The following MRGPRE variants were observed in gnomAD, a reference collection of about 807,000 sequenced individuals.
MRGPRE encodes the protein mas-related G protein-coupled receptor member E.
For synonymous variants in MRGPRE, 229 were observed against 206.7 expected (o/e 1.11, Z -0.92); for missense variants, 466 against 433.4 (o/e 1.08, Z -0.67).
At position 3,228,289 on chromosome 11, in the gene MRGPRE, G is replaced by A. The variant is rs749122433; in HGVS notation, c.511C>T (p.Arg171Cys). 44 of 1,554,990 alleles carry A rather than the reference G, an allele frequency of 2.8e-5. No individual in the cohort carries two copies. Among genetic ancestry groups the A allele is most frequent in the African/African-American group, 9.5e-5 (7 of 73,532 alleles). Reference sequence around the variant, plus strand: ...AGCCACAGCGTCCGGCACAAGTGGCGGCTGGGCTCCCCGAAGAACTGGGTG... The same window carrying A: ...AGCCACAGCGTCCGGCACAAGTGGCAGCTGGGCTCCCCGAAGAACTGGGTG... The part of the protein sequence containing the change: ...ACTQFFGEPS[R>C]HLCRTLWLVA... Residue 171 changes from arginine to cysteine, a missense_variant, in exon 2 of 2, where the codon CGC becomes TGC. Coordinates refer to ENST00000389832, the MANE Select transcript of MRGPRE (RefSeq NM_001039165.4).
Position 3,225,454 on chromosome 11 carries a change from T to C in MRGPRE, c.*2407A>G, listed in dbSNP as rs1422999673. Among the ~76,000 whole-genome samples, 2 of 152,182 alleles carry C rather than the reference T, an allele frequency of 1.3e-5. No homozygotes were observed. Among genetic ancestry groups the C allele is most frequent in the Non-Finnish European group, 2.9e-5 (2 of 68,032 alleles). On this transcript the variant is annotated 3_prime_UTR_variant, in exon 2 of 2. Transcript: ENST00000389832. ...TTTGAGCAGTGAGGCCCCAGGGTCC[T>C]GCAGGGTGGGGTCTAGGGCAGCCAG...
Position 3,230,846 on chromosome 11 carries a change from G to A in MRGPRE, c.-62+1295C>T, listed in dbSNP as rs572702105. 6.6e-6 allele frequency among the ~76,000 whole-genome samples: 1 copy of A among 152,188 alleles called. No individual in the cohort carries two copies. Among genetic ancestry groups the A allele is most frequent in the Admixed American group, 6.5e-5 (1 of 15,296 alleles). On this transcript the variant is annotated intron_variant, in intron 1 of 1. Transcript: ENST00000389832. The surrounding 1 kb of genome is among the most constrained non-coding windows in gnomAD (Gnocchi z 5.5). The stretch of plus-strand genomic sequence containing the variant: ...GGGAGGTGAGGTGGTGGTGGAGGGA[G>A]CCCCACCTGGGCCAGCATCATCAGG...
At position 3,231,314 on chromosome 11, in the gene MRGPRE, G is replaced by A. The variant is rs1433656000; in HGVS notation, c.-62+827C>T. Among the ~76,000 whole-genome samples, 3 of 152,016 alleles carry A rather than the reference G, an allele frequency of 2.0e-5. No homozygotes were observed. The highest frequency in any genetic ancestry group is 7.2e-5 in the African/African-American group (3 of 41,394). Reference sequence around the variant, plus strand: ...GAGGCATGAAGAGATGGGGGACAGAGAAGGAAACAGGGAGGAGAACAGGGG... The same window carrying A: ...GAGGCATGAAGAGATGGGGGACAGAAAAGGAAACAGGGAGGAGAACAGGGG... On this transcript the variant is annotated intron_variant, in intron 1 of 1. Coordinates refer to ENST00000389832, the MANE Select transcript of MRGPRE (RefSeq NM_001039165.4). The surrounding 1 kb of genome is among the most constrained non-coding windows in gnomAD (Gnocchi z 4.7).
Position 3,231,893 on chromosome 11 carries a change from G to A in MRGPRE, c.-62+248C>T, listed in dbSNP as rs1042493813. ...GACAGGAGACAGAGCCACCGGGGGT[G>A]GGGGGTTGGGGAGCCATCACCCAAG... is the stretch of plus-strand genomic sequence containing the variant. On this transcript the variant is annotated intron_variant, in intron 1 of 1. Coordinates refer to ENST00000389832, the MANE Select transcript of MRGPRE (RefSeq NM_001039165.4). The surrounding 1 kb of genome is among the most constrained non-coding windows in gnomAD (Gnocchi z 4.7). Among the ~76,000 whole-genome samples, 1 of 152,014 alleles carries A rather than the reference G, an allele frequency of 6.6e-6. No individual in the cohort carries two copies. The highest frequency in any genetic ancestry group is 1.5e-5 in the Non-Finnish European group (1 of 67,956).
rs761279401 is a variant in MRGPRE at position 3,228,823 on chromosome 11, G to T, written c.-24C>A. On this transcript the variant is annotated 5_prime_UTR_variant, in exon 2 of 2. Coordinates refer to ENST00000389832, the MANE Select transcript of MRGPRE (RefSeq NM_001039165.4). ...ATGGGGCGGGGGGCCAGGGGATGCTGCAGGAGTGTGTTCTGCTCGCTCTCT... is the reference window on the plus strand; with the variant it reads ...ATGGGGCGGGGGGCCAGGGGATGCTTCAGGAGTGTGTTCTGCTCGCTCTCT... The T allele has an allele frequency of 2.5e-6, 4 of 1,572,594 alleles. No individual in the cohort carries two copies. The Admixed American group carries it at 5.3e-5, about 21-fold the overall frequency.
At position 3,228,162 on chromosome 11, in the gene MRGPRE, C is replaced by A. The variant is rs564898039; in HGVS notation, c.638G>T (p.Arg213Leu). The change falls in exon 2 of 2, where the codon CGG (arginine) becomes CTG (leucine). Residue 213 changes from arginine to leucine, a missense_variant. Coordinates refer to ENST00000389832, the MANE Select transcript of MRGPRE (RefSeq NM_001039165.4). ...VERGPQRPPPRGFPGLILLTV... is the reference protein window; with the variant it reads ...VERGPQRPPPLGFPGLILLTV... ...GAGGAGGATGAGCCCAGGGAAGCCC[C>A]GGGGTGGGGGCCGCTGGGGGCCTCG... The A allele has an allele frequency of 1.9e-6, 3 of 1,572,746 alleles. No homozygotes were observed. The highest frequency in any genetic ancestry group is 2.3e-5 in the East Asian group (1 of 43,380).
At position 3,229,949 on chromosome 11, in the gene MRGPRE, C is replaced by T. The variant is rs900626957; in HGVS notation, c.-61-1089G>A. Among the ~76,000 whole-genome samples the T allele has an allele frequency of 1.3e-5, 2 of 152,128 alleles. No individual in the cohort carries two copies. Among genetic ancestry groups the T allele is most frequent in the Non-Finnish European group, 2.9e-5 (2 of 68,014 alleles). On this transcript the variant is annotated intron_variant, in intron 1 of 1. Transcript: ENST00000389832. The surrounding 1 kb of genome is among the most constrained non-coding windows in gnomAD (Gnocchi z 4.4). Reference sequence around the variant, plus strand: ...ATCCCCTCCCAAGGCAGTCGGCTCACGGGGACAGGTCCTGCGGGAGGGGTA... The same window carrying T: ...ATCCCCTCCCAAGGCAGTCGGCTCATGGGGACAGGTCCTGCGGGAGGGGTA...
rs60799467 is a variant in MRGPRE, at chr11:3,229,212, C to CTTTTTTTTT, written c.-61-361_-61-353dup. On this transcript the variant is annotated intron_variant, in intron 1 of 1. Coordinates refer to ENST00000389832, the MANE Select transcript of MRGPRE (RefSeq NM_001039165.4). This position sits in a 1 kb window ranked among gnomAD's most constrained non-coding sequence, Gnocchi z 4.4. The stretch of plus-strand genomic sequence containing the variant: ...GTGGTGCCTTGATCCTCAGAATGGG[C>CTTTTTTTTT]TTTTTTTTTTTTTTTTTTTTTTTTT... Among the ~76,000 whole-genome samples the CTTTTTTTTT allele has an allele frequency of 1.0e-4, 13 of 126,684 alleles. 1 individual carries two copies. The highest frequency in any genetic ancestry group is 3.3e-4 in the African/African-American group (10 of 29,996). The allele number at this position is 126,684 out of a possible 152,430, so 83.1% of individuals were successfully genotyped here. A position where few individuals can be genotyped will look rare whatever the true frequency, so the allele number is the denominator to read the frequency against.
In MRGPRE at chr11:3,229,792, G is replaced by A. The variant is rs983006310; in HGVS notation, c.-61-932C>T. The stretch of plus-strand genomic sequence containing the variant: ...ACAGCAGGACTCCAGCCCTCTGCAG[G>A]GTAGGGGGCACATGAGGAGGCTGCA... On this transcript the variant is annotated intron_variant, in intron 1 of 1. Transcript: ENST00000389832. The surrounding 1 kb of genome is among the most constrained non-coding windows in gnomAD (Gnocchi z 4.4). Among the ~76,000 whole-genome samples the A allele has an allele frequency of 6.6e-6, 1 of 152,200 alleles. No individual in the cohort carries two copies. Among genetic ancestry groups the A allele is most frequent in the Admixed American group, 6.5e-5 (1 of 15,288 alleles).
rs1026355366 is a variant in MRGPRE at position 3,228,198 on chromosome 11, A to T, written c.602T>A (p.Leu201Gln). 9 of 1,560,166 alleles carry T rather than the reference A, an allele frequency of 5.8e-6. No homozygotes were observed. Among genetic ancestry groups the T allele is most frequent in the Middle Eastern group, 3.4e-4 (2 of 5,844 alleles). ...CCGCTGGGGGCCTCGCTCCACCCGC[A>T]GCAGCAGCATAAGGCTGGCCCCACA... The part of the protein sequence containing the change: ...TMCGASLMLL[L>Q]RVERGPQRPP... Residue 201 changes from leucine to glutamine, a missense_variant, in exon 2 of 2, where the codon CTG becomes CAG. Transcript: ENST00000389832.
Position 3,227,777 on chromosome 11 carries a change from G to A in MRGPRE, c.*84C>T. The A allele has an allele frequency of 8.7e-7, 1 of 1,152,414 alleles. No homozygotes were observed. The highest frequency in any genetic ancestry group is 1.9e-5 in the South Asian group (1 of 52,884). The allele number at this position is 1,152,414 out of a possible 1,614,324, so 71.4% of individuals were successfully genotyped here. The stretch of plus-strand genomic sequence containing the variant: ...ACCAAGGCCTCCTCCAGGTCCGGCT[G>A]GCCCCAGCCTCTGACCCCACCACCT... On this transcript the variant is annotated 3_prime_UTR_variant, in exon 2 of 2. Coordinates refer to ENST00000389832, the MANE Select transcript of MRGPRE (RefSeq NM_001039165.4).
In MRGPRE at chr11:3,227,992, A is replaced by G. The variant is rs1847782116; in HGVS notation, c.808T>C (p.Phe270Leu). The G allele has an allele frequency of 1.2e-6, 2 of 1,601,162 alleles. No individual in the cohort carries two copies. The highest frequency in any genetic ancestry group is 1.7e-5 in the Admixed American group (1 of 58,666). ...VHCAAKPVVY[F>L]CLGSAQGRRL... ...CGGCCCTGGGCACTGCCCAGGCAGA[A>G]GTAGACGACGGGCTTGGCCGCGCAG... The change falls in exon 2 of 2, where the codon TTC becomes CTC. Residue 270 changes from phenylalanine to leucine, a missense_variant. Coordinates refer to ENST00000389832, the MANE Select transcript of MRGPRE (RefSeq NM_001039165.4).
rs1227455220 is a variant in MRGPRE, at chr11:3,231,299, G to C, written c.-62+842C>G. On this transcript the variant is annotated intron_variant, in intron 1 of 1. Coordinates refer to ENST00000389832, the MANE Select transcript of MRGPRE (RefSeq NM_001039165.4). The surrounding 1 kb of genome is among the most constrained non-coding windows in gnomAD (Gnocchi z 4.7). Reference sequence around the variant, plus strand: ...AGTGCAGGAAGGGGAGAGGCATGAAGAGATGGGGGACAGAGAAGGAAACAG... The same window carrying C: ...AGTGCAGGAAGGGGAGAGGCATGAACAGATGGGGGACAGAGAAGGAAACAG... Among the ~76,000 whole-genome samples, 8 of 152,160 alleles carry C rather than the reference G, an allele frequency of 5.3e-5. No individual in the cohort carries two copies. In the East Asian group the frequency reaches 7.8e-4, roughly 15 times the overall value.
chr11:3,229,130 G>A lies in MRGPRE; in HGVS notation c.-61-270C>T, dbSNP rs185173731. Among the ~76,000 whole-genome samples, 411 of 152,110 alleles carry A rather than the reference G, an allele frequency of 2.7e-3. 4 individuals carry two copies. The highest frequency in any genetic ancestry group is 0.015 in the Admixed American group (230 of 15,294). ...GCTGGTCCCTGTAGGCCAGGTGGGG[G>A]CAGGGACCAGGAGATGTGGGGAGAG... On this transcript the variant is annotated intron_variant, in intron 1 of 1. Coordinates refer to ENST00000389832, the MANE Select transcript of MRGPRE (RefSeq NM_001039165.4). The surrounding 1 kb of genome is among the most constrained non-coding windows in gnomAD (Gnocchi z 4.4).
In MRGPRE at chr11:3,227,749, C is replaced by G; in HGVS notation, c.*112G>C. 1 of 841,712 alleles carries G rather than the reference C, an allele frequency of 1.2e-6. No homozygotes were observed. Among genetic ancestry groups the G allele is most frequent in the Non-Finnish European group, 1.7e-6 (1 of 575,196 alleles). 52.1% of individuals were successfully genotyped at this position (841,712 alleles called of 1,614,324 possible). A position where few individuals can be genotyped will look rare whatever the true frequency, so the allele number is the denominator to read the frequency against. On this transcript the variant is annotated 3_prime_UTR_variant, in exon 2 of 2. Coordinates refer to ENST00000389832, the MANE Select transcript of MRGPRE (RefSeq NM_001039165.4). ...ACTTTGACAGCACATGACCGGGTCACCCACCAAGGCCTCCTCCAGGTCCGG... is the reference window on the plus strand; with the variant it reads ...ACTTTGACAGCACATGACCGGGTCAGCCACCAAGGCCTCCTCCAGGTCCGG...
In MRGPRE at chr11:3,227,542, C is replaced by G. The variant is rs1288488125; in HGVS notation, c.*319G>C. Among the ~76,000 whole-genome samples the G allele has an allele frequency of 6.6e-6, 1 of 152,174 alleles. No individual in the cohort carries two copies. Among genetic ancestry groups the G allele is most frequent in the African/African-American group, 2.4e-5 (1 of 41,436 alleles). On this transcript the variant is annotated 3_prime_UTR_variant, in exon 2 of 2. Transcript: ENST00000389832. ...CCGGGGTCTCCTCACTGCAGCTGAG[C>G]AGGGAATGGGTAGCAGCAGCAGCTC...
In MRGPRE at chr11:3,227,738, T is replaced by C. The variant is rs1451181949; in HGVS notation, c.*123A>G. ...CAAGGGTCACAACTTTGACAGCACA[T>C]GACCGGGTCACCCACCAAGGCCTCC... On this transcript the variant is annotated 3_prime_UTR_variant, in exon 2 of 2. Transcript: ENST00000389832. 1.3e-6 allele frequency: 1 copy of C among 758,268 alleles called. No homozygotes were observed. Among genetic ancestry groups the C allele is most frequent in the Admixed American group, 3.1e-5 (1 of 32,116 alleles). 47.0% of individuals were successfully genotyped at this position (758,268 alleles called of 1,614,324 possible). A position where few individuals can be genotyped will look rare whatever the true frequency, so the allele number is the denominator to read the frequency against.
In MRGPRE at chr11:3,230,066, A is replaced by G. The variant is rs1046162374; in HGVS notation, c.-61-1206T>C. 6.6e-6 allele frequency among the ~76,000 whole-genome samples: 1 copy of G among 151,806 alleles called. No individual in the cohort carries two copies. Among genetic ancestry groups the G allele is most frequent in the African/African-American group, 2.4e-5 (1 of 41,266 alleles). ...TTGCCAGAAATACAGCAAGTAATAG[A>G]CTCTAGGAGACTGCCAGGTGCTCAG... On this transcript the variant is annotated intron_variant, in intron 1 of 1. Coordinates refer to ENST00000389832, the MANE Select transcript of MRGPRE (RefSeq NM_001039165.4). The surrounding 1 kb of genome is among the most constrained non-coding windows in gnomAD (Gnocchi z 5.5).
rs779775924 is a variant in MRGPRE at position 3,228,482 on chromosome 11, G to A, written c.318C>T (p.Cys106=). 1.2e-6 allele frequency: 2 copies of A among 1,613,346 alleles called. No homozygotes were observed. Residue 106 remains cysteine (C), a synonymous_variant, in exon 2 of 2, where the codon TGC becomes TGT. Transcript: ENST00000389832. The part of the protein sequence containing the change: ...QTSLATLRFF[C]YIVGLSLLAA... ...CCAGGAGACTCAGGCCCACGATGTA[G>A]CAGAAGAAGCGCAGCGTTGCCAGGC...
Sources: gnomAD v4.1 joint callset for allele counts (sites outside exome capture counted in the v4.1 genomes callset) on GRCh38, gnomAD v4.1.1 for gene constraint, Gnocchi (gnomAD v3.1) non-coding constraint, MANE v1.5 for transcripts, NCBI Gene and HGNC (gene_info 2026-07-23, HGNC 2026-07-21) for gene names.